Variants in SNAP23 observed in about 807,000 individuals in gnomAD.
SNAP23 encodes synaptosome associated protein 23, also known as synaptosomal-associated protein 23.
SNAP23 carries 11 observed loss-of-function variants against 29.0 expected under a neutral mutation model. That is an observed-to-expected ratio of 0.38 (90% confidence interval 0.24 to 0.63). The LOEUF is 0.63. SNAP23 is among the 20% of genes least tolerant of loss of function. SNAP23 has a pLI of 0.58. For missense variants in SNAP23, 220 were observed against 253.9 expected, an observed-to-expected ratio of 0.87 and a Z score of 0.91; for synonymous variants, 60 against 82.9, an observed-to-expected ratio of 0.72 and a Z score of 1.50.
chr15:42,492,940 A>C (rs1479224938), upstream of SNAP23: 1 of 152,234 alleles, frequency 6.6e-6, no homozygotes, highest in African/African-American at 2.4e-5. Flanking sequence ...CCACAGTCAG[A>C]TATTGGTGAG....
intron 1 of SNAP23, among the ~76,000 whole-genome samples, chr15:42,500,051 G>A (rs1344091297): frequency 6.6e-6 from 1 of 152,210 alleles, no homozygotes; most frequent in Non-Finnish European, 1.5e-5. Context: ...AGGCTGAGGT[G>A]GAGGATCGCT....
chr15:42,526,080 A>G (rs922164766), intron 5 of SNAP23, among the ~76,000 whole-genome samples: 9 of 152,144 alleles, frequency 5.9e-5, no homozygotes, highest in South Asian at 2.1e-4. Flanking sequence ...TGGAATTTCA[A>G]CCTTCTCTCT....
chr15:42,497,359 C>T (rs2057229586), intron 1 of SNAP23, among the ~76,000 whole-genome samples: 1 of 152,118 alleles, frequency 6.6e-6, no homozygotes, highest in Non-Finnish European at 1.5e-5. Flanking sequence ...CAGGCACCTG[C>T]CACCAGGCCT....
At chr15:42,526,215 T>A (rs949529488) in intron 5 of SNAP23, among the ~76,000 whole-genome samples, 1 of 152,246 alleles carries the variant, frequency 6.6e-6, no homozygotes, top group African/African-American at 2.4e-5. Flanking sequence ...TAGCACTTAC[T>A]CTGCTCTAGA....
At chr15:42,512,856 G>A (rs1459904083) in intron 2 of SNAP23, 99 bp from the exon 3 acceptor site, 3 of 881,442 alleles carry the variant, frequency 3.4e-6, no homozygotes, top group East Asian at 2.5e-5. Context: ...GGCCTGAGCT[G>A]GCAATTTTTA....
At chr15:42,530,630 G>A (rs2057555517) in intron 7 of SNAP23, among the ~76,000 whole-genome samples, 1 of 152,086 alleles carries the variant, frequency 6.6e-6, no homozygotes, top group Non-Finnish European at 1.5e-5. Context: ...TGTGCCTATT[G>A]TCCCAGTTAC....
At chr15:42,504,395 A>C (rs1467834506) in intron 1 of SNAP23, among the ~76,000 whole-genome samples, 1 of 152,192 alleles carries the variant, frequency 6.6e-6, no homozygotes, top group Non-Finnish European at 1.5e-5. Context: ...GTCTCAAAAA[A>C]AAAGTTGTAT....
chr15:42,501,958 A>G (rs994279682), intron 1 of SNAP23, among the ~76,000 whole-genome samples: 1 of 151,970 alleles, frequency 6.6e-6, no homozygotes, highest in Non-Finnish European at 1.5e-5. Flanking sequence ...TGTCTTTTGT[A>G]TAAGCAAGAA....
rs1265883875 is a variant in SNAP23 at position 42,518,155 on chromosome 15, C to G, written c.266+2801C>G. ...GTAATTGTCTTTCTTCCACCTATTT[C>G]TTTCTTACACCATTGAGACCTTGGC... is the stretch of plus-strand genomic sequence containing the variant. On this transcript the variant is annotated intron_variant, in intron 5 of 7. Coordinates refer to ENST00000249647, the MANE Select transcript of SNAP23 (RefSeq NM_003825.4). 3.3e-5 allele frequency among the ~76,000 whole-genome samples: 5 copies of G among 152,208 alleles called. No homozygotes were observed. In the East Asian group the frequency reaches 9.7e-4, roughly 29 times the overall value.
At chr15:42,500,340 CTG>C (rs1240676244) in intron 1 of SNAP23, among the ~76,000 whole-genome samples, 2 of 151,194 alleles carry the variant, frequency 1.3e-5, no homozygotes, top group African/African-American at 4.9e-5. Context: ...GTTTCCAGAT[CTG>C]TAGGTTGACA....
intron 5 of SNAP23, among the ~76,000 whole-genome samples, chr15:42,526,214 C>T (rs759837698): frequency 1.3e-5 from 2 of 152,192 alleles, no homozygotes; most frequent in Admixed American, 6.5e-5. Context: ...CTAGCACTTA[C>T]TCTGCTCTAG....
rs757877591 is a variant in SNAP23, at chr15:42,515,774, C to T, written c.266+420C>T. ...GGCAAAACATAAAAAATACATAAAT[C>T]TAATGTTAGATTATATGATAGTGAG... On this transcript the variant is annotated intron_variant, in intron 5 of 7. Transcript: ENST00000249647. Among the ~76,000 whole-genome samples, 6 of 152,194 alleles carry T rather than the reference C, an allele frequency of 3.9e-5. No homozygotes were observed. The Middle Eastern group carries it at 0.014, about 345-fold the overall frequency.
In SNAP23 at chr15:42,531,473, A is replaced by C. The variant is rs77884785; in HGVS notation, c.631A>C (p.Ser211Arg). The C allele has an allele frequency of 3.6e-5, 58 of 1,601,280 alleles. No homozygotes were observed. The East Asian group carries it at 1.3e-3, about 36-fold the overall frequency. Residue 211 changes from serine to arginine, a missense_variant, in exon 8 of 8, where the codon AGC (serine) becomes CGC (arginine). By Grantham distance (110) the Ser-to-Arg change is moderately radical (BLOSUM62 -1). Coordinates refer to ENST00000249647, the MANE Select transcript of SNAP23 (RefSeq NM_003825.4). Reference protein sequence around the residue: ...ANARAKKLIDS With the variant: ...ANARAKKLIDR ...TGCCAGAGCAAAGAAACTCATTGAC[A>C]GCTAAAGCTACTGCTGTTCTTCTTT...
chr15:42,527,726 T>TC (rs1039643276), intron 5 of SNAP23, among the ~76,000 whole-genome samples: 15 of 151,280 alleles, frequency 9.9e-5, no homozygotes, highest in Non-Finnish European at 1.9e-4. Flanking sequence ...GCTCAAGCGA[T>TC]CCACCCGCCT....
At chr15:42,529,903 G>A in intron 7 of SNAP23, 84 bp downstream of exon 7, 2 of 1,422,378 alleles carry the variant, frequency 1.4e-6, no homozygotes, top group Non-Finnish European at 1.9e-6. Flanking sequence ...TACTGTGGGG[G>A]ACACGGTAGA....
At chr15:42,525,586 C>G (rs1405480748) in intron 5 of SNAP23, among the ~76,000 whole-genome samples, 1 of 146,586 alleles carries the variant, frequency 6.8e-6, no homozygotes, top group Non-Finnish European at 1.5e-5. Flanking sequence ...GCCTCTGCCT[C>G]CTGAGTTGCG....
intron 1 of SNAP23, among the ~76,000 whole-genome samples, chr15:42,505,900 C>T (rs558831946): frequency 2.9e-4 from 44 of 151,160 alleles, no homozygotes; most frequent in African/African-American, 1.0e-3. Flanking sequence ...TCCCTCCCTC[C>T]CTTCCATTTC....
In SNAP23 at chr15:42,529,668, G is replaced by A. The variant is rs768245644; in HGVS notation, c.426-7G>A. The A allele has an allele frequency of 1.2e-6, 2 of 1,612,170 alleles. No homozygotes were observed. The highest frequency in any genetic ancestry group is 2.2e-5 in the East Asian group (1 of 44,870). On this transcript the variant is annotated splice_region_variant and splice_polypyrimidine_tract_variant and intron_variant, in intron 6 of 7. Transcript: ENST00000249647. ...AACCTATGGAATTAACTGTCTTCTT[G>A]TGATAGCATAACTAATGATGCCAGA...
At chr15:42,514,489 T>C (rs1292514918) in intron 4 of SNAP23, among the ~76,000 whole-genome samples, 2 of 152,126 alleles carry the variant, frequency 1.3e-5, no homozygotes, top group African/African-American at 4.8e-5. Flanking sequence ...GAAATCAAGT[T>C]CTAAAACAGA....
Sources: allele counts gnomAD v4.1 joint callset (sites outside exome capture counted in the v4.1 genomes callset), GRCh38; gene constraint gnomAD v4.1.1; transcripts MANE v1.5; gene names NCBI Gene and HGNC (gene_info 2026-07-23, HGNC 2026-07-21).